Variants in MTHFD2L observed in about 807,000 individuals in gnomAD.
MTHFD2L encodes the protein bifunctional methylenetetrahydrofolate dehydrogenase/cyclohydrolase 2, mitochondrial.
MTHFD2L carries 29 observed loss-of-function variants against 34.9 expected under a neutral mutation model. That is an observed-to-expected ratio of 0.83 (90% CI 0.62 to 1.13). The LOEUF (loss-of-function observed/expected upper bound fraction) is 1.13, where lower values mean the gene tolerates loss of function less well. MTHFD2L is among the 50% of genes most tolerant of loss of function. The pLI, the probability that MTHFD2L is intolerant of heterozygous loss-of-function variation, is 0.00. For missense variants in MTHFD2L, 481 were observed against 446.5 expected (o/e 1.08, Z -0.70); for synonymous variants, 167 against 155.7 (o/e 1.07, Z -0.54).
Position 74,281,489 on chromosome 4 carries a change from C to T in MTHFD2L, c.870C>T (p.Ile290=), listed in dbSNP as rs551894770. The T allele has an allele frequency of 1.9e-6, 3 of 1,612,596 alleles. No homozygotes were observed. The South Asian group carries it at 3.3e-5, about 18-fold the overall frequency. Residue 290 remains isoleucine, a synonymous_variant, in exon 7 of 8, where the codon ATC becomes ATT. Coordinates refer to ENST00000325278, the MANE Select transcript of MTHFD2L (RefSeq NM_001144978.3). ...GTGCTGCTGTAATTGATGTGGGTAT[C>T]AACTATGTCCACGATCCAGTGACAG... ...KEGAAVIDVG[I]NYVHDPVTGK...
At chr4:74,222,360 T>G (rs1287212173) in intron 5 of MTHFD2L, among the ~76,000 whole-genome samples, 1 of 152,074 alleles carries the variant, frequency 6.6e-6, no homozygotes, top group Non-Finnish European at 1.5e-5. Flanking sequence ...GAGGGCCTTC[T>G]TACTGCATCA....
chr4:74,231,061 C>G (rs1038148830), intron 6 of MTHFD2L, among the ~76,000 whole-genome samples: 1 of 152,046 alleles, frequency 6.6e-6, no homozygotes, highest in Middle Eastern at 3.2e-3. Context: ...TCCAGCATGA[C>G]GAATGAACCT....
chr4:74,210,730 A>G (rs950138951), intron 5 of MTHFD2L, among the ~76,000 whole-genome samples: 3 of 152,158 alleles, frequency 2.0e-5, no homozygotes, highest in Non-Finnish European at 4.4e-5. Flanking sequence ...GAAAAAAGTC[A>G]GTGGTAGCTT....
At chr4:74,267,267 C>T (rs1032118734) in intron 6 of MTHFD2L, 1 of 978,000 alleles carries the variant, frequency 1.0e-6, no homozygotes, top group Non-Finnish European at 1.2e-6. Context: ...GCAGGAAATA[C>T]ATTTCTTTTT....
At chr4:74,210,640 T>C (rs1205411124) in intron 5 of MTHFD2L, among the ~76,000 whole-genome samples, 2 of 152,204 alleles carry the variant, frequency 1.3e-5, no homozygotes, top group Non-Finnish European at 2.9e-5. Context: ...CCTCTAGCTT[T>C]GTTCTTTTTG....
In MTHFD2L at chr4:74,301,890, A is replaced by G; in HGVS notation, c.*81A>G. On this transcript the variant is annotated 3_prime_UTR_variant, in exon 8 of 8. Coordinates refer to ENST00000325278, the MANE Select transcript of MTHFD2L (RefSeq NM_001144978.3). ...GGTAAAACCTTTATATTTTACTACA[A>G]AGCTATTTATTTCTACATGGTATTT... 2.8e-6 allele frequency: 2 copies of G among 702,132 alleles called. No homozygotes were observed. Among genetic ancestry groups the G allele is most frequent in the Non-Finnish European group, 4.5e-6 (2 of 446,486 alleles). The allele number at this position is 702,132 out of a possible 1,614,324, so 43.5% of individuals were successfully genotyped here. A position where few individuals can be genotyped will look rare whatever the true frequency, so the allele number is the denominator to read the frequency against.
At chr4:74,284,533 T>G (rs532000872) in intron 7 of MTHFD2L, among the ~76,000 whole-genome samples, 2 of 148,798 alleles carry the variant, frequency 1.3e-5, no homozygotes, top group Non-Finnish European at 3.0e-5. Flanking sequence ...GGTTGTTTGT[T>G]TTTTTTTTTC....
intron 6 of MTHFD2L, among the ~76,000 whole-genome samples, chr4:74,241,102 G>A (rs933499108): frequency 6.6e-5 from 10 of 152,048 alleles, no homozygotes; most frequent in East Asian, 3.9e-4. Context: ...CTTAATTAGC[G>A]CCAAGAGGAA....
At chr4:74,240,424 G>T (rs937001147) in intron 6 of MTHFD2L, among the ~76,000 whole-genome samples, 1 of 151,904 alleles carries the variant, frequency 6.6e-6, no homozygotes, top group Non-Finnish European at 1.5e-5. Context: ...ATTTATGATC[G>T]CAAAAAGTGG....
At chr4:74,289,320 G>C (rs1748591096) in intron 7 of MTHFD2L, among the ~76,000 whole-genome samples, 1 of 152,200 alleles carries the variant, frequency 6.6e-6, no homozygotes, top group Admixed American at 6.5e-5. Context: ...TGAGGGAGCA[G>C]CATTCCAGGC....
At chr4:74,164,111 C>G (rs1201011445) in intron 1 of MTHFD2L, among the ~76,000 whole-genome samples, 2 of 152,068 alleles carry the variant, frequency 1.3e-5, no homozygotes, top group African/African-American at 4.8e-5. Flanking sequence ...CTCCTGACTT[C>G]GTGATCCGCC....
intron 3 of MTHFD2L, among the ~76,000 whole-genome samples, chr4:74,184,166 G>A (rs1730707488): frequency 6.6e-6 from 1 of 152,142 alleles, no homozygotes; most frequent in African/African-American, 2.4e-5. Flanking sequence ...ATGGAGAAAA[G>A]ACGACAAAGA....
At chr4:74,197,205 A>G (rs1733634117) in intron 3 of MTHFD2L, among the ~76,000 whole-genome samples, 1 of 152,202 alleles carries the variant, frequency 6.6e-6, no homozygotes, top group Non-Finnish European at 1.5e-5. Context: ...GTATCCTGTG[A>G]ATCAAACATG....
intron 2 of MTHFD2L, among the ~76,000 whole-genome samples, chr4:74,115,148 G>C (rs775831770): frequency 6.6e-6 from 1 of 152,164 alleles, no homozygotes; most frequent in Non-Finnish European, 1.5e-5. Context: ...TATATATGAT[G>C]ACTATTTCTT....
chr4:74,265,680 A>C (rs549703408), intron 6 of MTHFD2L, among the ~76,000 whole-genome samples: 11 of 152,332 alleles, frequency 7.2e-5, no homozygotes, highest in African/African-American at 2.6e-4. Context: ...GAACAAAGGT[A>C]CCTAGACAAG....
chr4:74,150,811 C>T (rs905894305), intron 1 of MTHFD2L, among the ~76,000 whole-genome samples: 5 of 151,760 alleles, frequency 3.3e-5, no homozygotes, highest in Non-Finnish European at 7.4e-5. Flanking sequence ...ACATGTGACA[C>T]TTTTCATATT....
At position 74,302,613 on chromosome 4, in the gene MTHFD2L, A is replaced by C. The variant is rs1019535613; in HGVS notation, c.*804A>C. On this transcript the variant is annotated 3_prime_UTR_variant, in exon 8 of 8. Transcript: ENST00000325278. ...CTTCACTGAGCAATAGTGGAAAAAT[A>C]AAAAAATAAGTAAACAGAAAAAACT... 2.6e-5 allele frequency: 4 copies of C among 152,028 alleles called. No individual in the cohort carries two copies. The highest frequency in any genetic ancestry group is 4.4e-5 in the Non-Finnish European group (3 of 68,000). 9.4% of individuals were successfully genotyped at this position (152,028 alleles called of 1,614,324 possible).
chr4:74,265,147 A>T (rs994541637), intron 6 of MTHFD2L, among the ~76,000 whole-genome samples: 29 of 152,182 alleles, frequency 1.9e-4, no homozygotes, highest in Admixed American at 1.9e-3. Context: ...TCATTATTCT[A>T]ACCCACACAT....
At chr4:74,254,221 T>A (rs1164808970) in intron 6 of MTHFD2L, among the ~76,000 whole-genome samples, 2 of 152,036 alleles carry the variant, frequency 1.3e-5, no homozygotes, top group Non-Finnish European at 2.9e-5. Context: ...AAATTAAACA[T>A]AAATATTGGC....
Sources: allele counts gnomAD v4.1 joint callset (sites outside exome capture counted in the v4.1 genomes callset), GRCh38; gene constraint gnomAD v4.1.1; transcripts MANE v1.5; gene names NCBI Gene and HGNC (gene_info 2026-07-23, HGNC 2026-07-21).